PAPOLA: variants seen among roughly 807,000 people sequenced by gnomAD.
PAPOLA encodes the protein poly(A) polymerase alpha.
A neutral mutation model predicts 100.6 loss-of-function variants in PAPOLA; 15 were observed. The observed-to-expected ratio is 0.15, with a 90% CI of 0.10 to 0.23. The LOEUF (loss-of-function observed/expected upper bound fraction) is 0.23. Among genes scored for constraint, PAPOLA ranks in the 10% least tolerant of loss-of-function variants. PAPOLA has a pLI of 1.00. For missense variants in PAPOLA, 533 were observed against 884.2 expected (o/e 0.60, Z 5.04); for synonymous variants, 293 against 300.0 (o/e 0.98, Z 0.24).
chr14:96,520,305 T>G, intron 2 of PAPOLA, 77 bp downstream of exon 2: 20 of 1,091,748 alleles, frequency 1.8e-5, no homozygotes, highest in Non-Finnish European at 2.4e-5. Context: ...AGGCATTCTC[T>G]ACTTACTTAG....
chr14:96,559,581 CTATA>C (rs1555396726), intron 19 of PAPOLA, among the ~76,000 whole-genome samples: 20 of 120,170 alleles, frequency 1.7e-4, no homozygotes, highest in South Asian at 5.9e-4. Context: ...CTCTCTCTCT[CTATA>C]TATATATATA....
chr14:96,563,907 T>C (rs1902075326), intron 21 of PAPOLA, among the ~76,000 whole-genome samples: 1 of 152,112 alleles, frequency 6.6e-6, no homozygotes, highest in African/African-American at 2.4e-5. Context: ...TCTCGGGACT[T>C]ATTTTCATAG....
chr14:96,560,603 C>A, intron 19 of PAPOLA, 46 bp from the exon 20 acceptor site: 3 of 1,293,458 alleles, frequency 2.3e-6, no homozygotes, highest in Non-Finnish European at 3.3e-6. Flanking sequence ...GGCAAATAAT[C>A]TAAATTTTTC....
chr14:96,531,499 G>A lies in PAPOLA; in HGVS notation c.520G>A (p.Ala174Thr). The A allele has an allele frequency of 6.2e-7, 1 of 1,609,566 alleles. No homozygotes were observed. Among genetic ancestry groups the A allele is most frequent in the African/African-American group, 1.3e-5 (1 of 74,896 alleles). Reference sequence around the variant, plus strand: ...GATTGATATTTTGTTTGCAAGATTAGCACTGCAGACAATTCCTGAAGATTT... The same window carrying A: ...GATTGATATTTTGTTTGCAAGATTAACACTGCAGACAATTCCTGAAGATTT... Reference protein sequence around the residue: ...IEIDILFARLALQTIPEDLDL... With the variant: ...IEIDILFARLTLQTIPEDLDL... Residue 174 changes from alanine to threonine, a missense_variant, in exon 7 of 22, where the codon GCA becomes ACA. Transcript: ENST00000216277.
At position 96,560,680 on chromosome 14, in the gene PAPOLA, C is replaced by T; in HGVS notation, c.2036C>T (p.Ala679Val). 1 of 1,607,118 alleles carries T rather than the reference C, an allele frequency of 6.2e-7. No individual in the cohort carries two copies. Among genetic ancestry groups the T allele is most frequent in the Non-Finnish European group, 8.5e-7 (1 of 1,174,968 alleles). ...ACAAGTGAAGATGCTAACTGTCTTG[C>T]TTTGAGTGGACATGATAAAACAGAA... is the stretch of plus-strand genomic sequence containing the variant. Reference protein sequence around the residue: ...DETSEDANCLALSGHDKTEAK... With the variant: ...DETSEDANCLVLSGHDKTEAK... Residue 679 changes from alanine to valine, a missense_variant, in exon 20 of 22, where the codon GCT becomes GTT. By Grantham distance (64) the Ala-to-Val change is moderately conservative. This residue lies in a region of PAPOLA where 242 missense variants were observed against 281.0 expected (regional missense o/e 0.86). Transcript: ENST00000216277.
chr14:96,518,772 T>A (rs1025301346), intron 1 of PAPOLA, among the ~76,000 whole-genome samples: 6 of 151,872 alleles, frequency 4.0e-5, no homozygotes, highest in Admixed American at 1.3e-4. Context: ...AAAAAGTAGC[T>A]GTGGTTGGGC....
At chr14:96,557,992 G>A (rs1294734382) in intron 19 of PAPOLA, among the ~76,000 whole-genome samples, 4 of 151,934 alleles carry the variant, frequency 2.6e-5, no homozygotes, top group African/African-American at 7.3e-5. Context: ...TCCATGGTTG[G>A]TTGAATTCGC....
At chr14:96,507,517 C>T (rs925009353) in intron 1 of PAPOLA, among the ~76,000 whole-genome samples, 18 of 152,026 alleles carry the variant, frequency 1.2e-4, no homozygotes, top group African/African-American at 3.6e-4. Flanking sequence ...CCTCGTGATC[C>T]GCCTGCCTCG....
At chr14:96,548,234 T>C (rs1900547216) in intron 16 of PAPOLA, among the ~76,000 whole-genome samples, 1 of 152,178 alleles carries the variant, frequency 6.6e-6, no homozygotes, top group African/African-American at 2.4e-5. Context: ...TTTTCTTTCC[T>C]TTAAAAAGTA....
rs376732715 is a variant in PAPOLA at position 96,543,305 on chromosome 14, A to T, written c.1289+412A>T. 2.0e-3 allele frequency among the ~76,000 whole-genome samples: 304 copies of T among 152,222 alleles called. 3 individuals carry two copies. The highest frequency in any genetic ancestry group is 7.0e-3 in the African/African-American group (289 of 41,560). ...TTATGAACTTATAAAAATCTGATTT[A>T]TGCGTGATTCTGGACTGTTGAGAAG... On this transcript the variant is annotated intron_variant, in intron 14 of 21. Transcript: ENST00000216277.
chr14:96,542,614 C>A, intron 13 of PAPOLA, 160 bp from the exon 14 acceptor site: 1 of 642,296 alleles, frequency 1.6e-6, no homozygotes, highest in Admixed American at 3.6e-5. Context: ...TGTTTCTTGG[C>A]TCTTTTTTCC....
intron 15 of PAPOLA, 98 bp from the exon 16 acceptor site, chr14:96,547,674 CGATCTACAGATATGCAGTATTGATG>C (rs1186176401): frequency 1.5e-6 from 1 of 670,738 alleles, no homozygotes; most frequent in Non-Finnish European, 2.5e-6. Flanking sequence ...AGGTCTTGAC[CGATCTACAGATATGCAGTATTGATG>C]GAAAAAGGAT....
At chr14:96,556,575 C>T (rs904679706) in intron 19 of PAPOLA, among the ~76,000 whole-genome samples, 162 bp downstream of exon 19, 10 of 152,202 alleles carry the variant, frequency 6.6e-5, no homozygotes, top group Middle Eastern at 3.2e-3. Context: ...TGTAGTTTCT[C>T]TTCACCTTTC....
rs927084410 is a variant in PAPOLA at position 96,565,293 on chromosome 14, TA to T, written c.*251del. ...TAACTATTTCAAAAATTACTGCCTT[TA>T]AAAAAAACAACCTCAAGCTATATTT... On this transcript the variant is annotated 3_prime_UTR_variant, in exon 22 of 22. Coordinates refer to ENST00000216277, the MANE Select transcript of PAPOLA (RefSeq NM_032632.5). 18 of 376,018 alleles carry T rather than the reference TA, an allele frequency of 4.8e-5. No individual in the cohort carries two copies. The highest frequency in any genetic ancestry group is 5.8e-5 in the Non-Finnish European group (12 of 206,244). 23.3% of individuals were successfully genotyped at this position (376,018 alleles called of 1,614,324 possible). A position where few individuals can be genotyped will look rare whatever the true frequency, so the allele number is the denominator to read the frequency against.
intron 1 of PAPOLA, among the ~76,000 whole-genome samples, chr14:96,512,556 T>A (rs1897174501): frequency 6.6e-6 from 1 of 152,116 alleles, no homozygotes; most frequent in Non-Finnish European, 1.5e-5. Flanking sequence ...TTAGAAAAAA[T>A]TGGGAATAAT....
intron 1 of PAPOLA, among the ~76,000 whole-genome samples, chr14:96,514,196 T>G (rs919160907): frequency 5.9e-5 from 9 of 151,716 alleles, no homozygotes; most frequent in African/African-American, 2.2e-4. Flanking sequence ...TTTTTTTTTT[T>G]GAGACTGAGT....
At chr14:96,528,039 A>G (rs756502358) in intron 6 of PAPOLA, 33 bp downstream of exon 6, 14 of 1,407,608 alleles carry the variant, frequency 9.9e-6, no homozygotes, top group Middle Eastern at 3.5e-4. Context: ...AGTTCTTGCT[A>G]TGTGCTGTCA....
intron 16 of PAPOLA, among the ~76,000 whole-genome samples, chr14:96,548,865 TA>T (rs1411725836): frequency 6.6e-6 from 1 of 152,188 alleles, no homozygotes; most frequent in Non-Finnish European, 1.5e-5. Flanking sequence ...TTTTGTTTCT[TA>T]AAACAATATA....
rs192937942 is a variant in PAPOLA, at chr14:96,522,624, C to T, written c.249+1552C>T. Among the ~76,000 whole-genome samples the T allele has an allele frequency of 1.2e-4, 18 of 152,204 alleles. No homozygotes were observed. In the East Asian group the frequency reaches 3.1e-3, roughly 26 times the overall value. On this transcript the variant is annotated intron_variant, in intron 3 of 21. Transcript: ENST00000216277. ...TTCACCATGTTGCCTAGGCTAGTCT[C>T]GAACTCCTGGGCTTAAGATATCTGC...
Sources: gnomAD v4.1 joint callset for allele counts (sites outside exome capture counted in the v4.1 genomes callset) on GRCh38, gnomAD v4.1.1 for gene constraint, gnomAD v4.1.1 regional missense constraint, MANE v1.5 for transcripts, NCBI Gene and HGNC (gene_info 2026-07-23, HGNC 2026-07-21) for gene names.